COL17A1: variants seen among roughly 807,000 people sequenced by gnomAD.
COL17A1 encodes collagen type XVII alpha 1 chain.
COL17A1 carries 181 observed loss-of-function variants against 218.4 expected under a neutral mutation model. The ratio of observed to expected loss-of-function variants is 0.83; its 90% CI spans 0.73 to 0.94. The LOEUF (loss-of-function observed/expected upper bound fraction) is 0.94, where lower values mean the gene tolerates loss of function less well. Among genes scored for constraint, COL17A1 ranks in the 40% least tolerant of loss-of-function variants. The pLI is 0.00. For missense variants in COL17A1, 1,924 were observed against 1,945.9 expected, an observed-to-expected ratio of 0.99 and a Z score of 0.21; for synonymous variants, 721 against 731.0, an observed-to-expected ratio of 0.99 and a Z score of 0.22.
intron 1 of COL17A1, among the ~76,000 whole-genome samples, chr10:104,082,366 T>G (rs1256564399): frequency 6.6e-6 from 1 of 152,204 alleles, no homozygotes; most frequent in Non-Finnish European, 1.5e-5. Context: ...TGGACACCTT[T>G]GCAATCCTTT....
chr10:104,035,724 C>T (rs921857828), intron 48 of COL17A1, among the ~76,000 whole-genome samples, 161 bp from the exon 49 acceptor site: 6 of 151,402 alleles, frequency 4.0e-5, no homozygotes, highest in African/African-American at 9.8e-5. Flanking sequence ...AAAGGAGGAA[C>T]GGAGGGGCCC....
intron 14 of COL17A1, 71 bp from the exon 15 acceptor site, chr10:104,059,789 C>A (rs1278525237): frequency 6.7e-7 from 1 of 1,492,426 alleles, no homozygotes; most frequent in Non-Finnish European, 9.3e-7. Flanking sequence ...GTGTTCCCCC[C>A]GCCCTTGCCC....
intron 28 of COL17A1, among the ~76,000 whole-genome samples, 164 bp downstream of exon 28, chr10:104,049,925 A>G (rs2086451112): frequency 6.6e-6 from 1 of 151,908 alleles, no homozygotes; most frequent in African/African-American, 2.4e-5. Context: ...CTTATCCTCC[A>G]CTCCAGGCTT....
chr10:104,059,127 T>C (rs1034664300), intron 15 of COL17A1, among the ~76,000 whole-genome samples: 39 of 152,230 alleles, frequency 2.6e-4, no homozygotes, highest in African/African-American at 8.2e-4. Context: ...TCTCTCACCT[T>C]GTTAAAGTGA....
intron 9 of COL17A1, among the ~76,000 whole-genome samples, chr10:104,067,900 T>G (rs1217809055): frequency 7.1e-6 from 1 of 140,276 alleles, no homozygotes. Flanking sequence ...AAGACAGAGA[T>G]CAAAGACACA....
At chr10:104,067,859 A>G (rs1437361230) in intron 9 of COL17A1, among the ~76,000 whole-genome samples, 21 of 152,206 alleles carry the variant, frequency 1.4e-4, no homozygotes, top group Admixed American at 1.4e-3. Flanking sequence ...AAAAGAAAAA[A>G]GAAAATAAGC....
At chr10:104,064,620 C>T (rs1248479087) in intron 9 of COL17A1, 24 bp from the exon 10 acceptor site, 3 of 1,601,802 alleles carry the variant, frequency 1.9e-6, no homozygotes, top group South Asian at 1.1e-5. Context: ...CATGCACACA[C>T]CCCAGTGAGA....
At chr10:104,078,215 T>A (rs968429146) in intron 3 of COL17A1, among the ~76,000 whole-genome samples, 21 of 152,248 alleles carry the variant, frequency 1.4e-4, no homozygotes, top group Non-Finnish European at 2.8e-4. Context: ...AATAGGCAAA[T>A]CTACAGAGAC....
intron 9 of COL17A1, among the ~76,000 whole-genome samples, chr10:104,065,262 A>G (rs1220019552): frequency 1.3e-5 from 2 of 152,228 alleles, no homozygotes; most frequent in Non-Finnish European, 2.9e-5. Context: ...TTTTGGTTTT[A>G]GGGTGAAAAA....
chr10:104,050,855 A>G lies in COL17A1; in HGVS notation c.2085T>C (p.Gly695=). The part of the protein sequence containing the change: ...QGLRGEVGLP[G]VKGDKGPMGP... ...GGCCTCCCTCCAGCTTACCTTTGAC[A>G]CCAGGAAGTCCTACTTCACCTCGGA... Residue 695 remains glycine (G), a synonymous_variant, in exon 26 of 56, where the codon GGT becomes GGC. Coordinates refer to ENST00000648076, the MANE Select transcript of COL17A1 (RefSeq NM_000494.4). The G allele has an allele frequency of 6.2e-7, 1 of 1,613,972 alleles. No individual in the cohort carries two copies. The highest frequency in any genetic ancestry group is 8.5e-7 in the Non-Finnish European group (1 of 1,180,026).
intron 17 of COL17A1, among the ~76,000 whole-genome samples, chr10:104,056,225 A>G (rs530786890): frequency 2.3e-4 from 35 of 152,316 alleles, no homozygotes; most frequent in Non-Finnish European, 2.9e-5. Flanking sequence ...CAGTCTTCTC[A>G]TCTGAGCTGG....
At chr10:104,065,062 G>A (rs1471543076) in intron 9 of COL17A1, among the ~76,000 whole-genome samples, 1 of 152,208 alleles carries the variant, frequency 6.6e-6, no homozygotes, top group Non-Finnish European at 1.5e-5. Flanking sequence ...GGGCAGGGGA[G>A]TCCTTGGTCT....
At chr10:104,052,936 G>T in intron 23 of COL17A1, 95 bp downstream of exon 23, 1 of 1,430,684 alleles carries the variant, frequency 7.0e-7, no homozygotes, top group South Asian at 1.2e-5. Flanking sequence ...AGGAAGGGGG[G>T]AGAAACAGAG....
At chr10:104,050,181 C>A in intron 27 of COL17A1, 57 bp from the exon 28 acceptor site, 20 of 1,612,048 alleles carry the variant, frequency 1.2e-5, no homozygotes, top group Non-Finnish European at 1.7e-5. Flanking sequence ...GGAAAACACT[C>A]TCACCCAGTA....
intron 1 of COL17A1, among the ~76,000 whole-genome samples, chr10:104,081,052 G>A (rs1355878697): frequency 6.6e-6 from 1 of 152,170 alleles, no homozygotes; most frequent in Non-Finnish European, 1.5e-5. Flanking sequence ...GATCTGTCAA[G>A]GTACTTAGTG....
intron 25 of COL17A1, 113 bp from the exon 26 acceptor site, chr10:104,051,014 G>A: frequency 6.5e-7 from 1 of 1,549,862 alleles, no homozygotes. Flanking sequence ...ACACCCTATA[G>A]TAAAAGTCAA....
At chr10:104,055,434 A>G in intron 18 of COL17A1, 33 bp from the exon 19 acceptor site, 1 of 1,477,412 alleles carries the variant, frequency 6.8e-7, no homozygotes, top group Non-Finnish European at 9.2e-7. Context: ...AGTCAGCTTC[A>G]CATCTCCTGT....
At chr10:104,036,119 G>GATGTGTGTATGGGTGTATGGGAGT (rs1564671345) in intron 48 of COL17A1, among the ~76,000 whole-genome samples, 1 of 6,560 alleles carries the variant, frequency 1.5e-4, no homozygotes, top group Admixed American at 2.8e-3. Flanking sequence ...TGTGTGTATG[G>GATGTGTGTATGGGTGTATGGGAGT]GAGTGTGTGT....
intron 27 of COL17A1, 48 bp downstream of exon 27, chr10:104,050,573 G>C: frequency 6.2e-7 from 1 of 1,612,426 alleles, no homozygotes; most frequent in Non-Finnish European, 8.5e-7. Flanking sequence ...TGGGCTCCCA[G>C]GAGTGAGGCA....
Sources: gnomAD v4.1 joint callset for allele counts (sites outside exome capture counted in the v4.1 genomes callset) on GRCh38, gnomAD v4.1.1 for gene constraint, MANE v1.5 for transcripts, NCBI Gene and HGNC (gene_info 2026-07-23, HGNC 2026-07-21) for gene names.